Variants in NKAIN2 observed in about 807,000 individuals in gnomAD.
The protein encoded by NKAIN2 is sodium/potassium transporting ATPase interacting 2, also known as sodium/potassium-transporting ATPase subunit beta-1-interacting protein 2.
A neutral mutation model predicts 32.6 loss-of-function variants in NKAIN2; 14 were observed. The observed-to-expected ratio is 0.43, with a 90% CI of 0.28 to 0.67. The LOEUF is 0.67. NKAIN2 is among the 30% of genes least tolerant of loss of function. NKAIN2 has a pLI of 0.17. For missense variants in NKAIN2, 198 were observed against 258.3 expected (o/e 0.77, Z 1.60); for synonymous variants, 80 against 87.2 (o/e 0.92, Z 0.46).
chr6:124,771,995 T>A (rs1225879561), intron 4 of NKAIN2, among the ~76,000 whole-genome samples: 1 of 152,076 alleles, frequency 6.6e-6, no homozygotes, highest in Non-Finnish European at 1.5e-5. Flanking sequence ...ATATAATGGG[T>A]GTGAAAGTCA....
At chr6:124,521,642 A>G (rs560921317) in intron 3 of NKAIN2, among the ~76,000 whole-genome samples, 3 of 152,266 alleles carry the variant, frequency 2.0e-5, no homozygotes, top group African/African-American at 7.2e-5. Context: ...CATTTCTGCA[A>G]TATACTTTAG....
intron 1 of NKAIN2, among the ~76,000 whole-genome samples, chr6:124,036,623 T>C (rs1033696384): frequency 6.6e-6 from 1 of 152,142 alleles, no homozygotes; most frequent in African/African-American, 2.4e-5. Flanking sequence ...CGTGTGTCTA[T>C]TTTAAGTTCC....
At chr6:124,648,787 G>T (rs1411725265) in intron 3 of NKAIN2, among the ~76,000 whole-genome samples, 1 of 152,112 alleles carries the variant, frequency 6.6e-6, no homozygotes, top group Non-Finnish European at 1.5e-5. Flanking sequence ...ATGCCACAAA[G>T]AGATGATGAA....
chr6:124,606,605 T>G (rs375175296), intron 3 of NKAIN2, among the ~76,000 whole-genome samples: 2 of 152,128 alleles, frequency 1.3e-5, no homozygotes, highest in South Asian at 4.1e-4. Context: ...ATTTCACAAT[T>G]TCTAGTATTT....
chr6:124,218,466 A>T (rs1791604969), intron 1 of NKAIN2, among the ~76,000 whole-genome samples: 1 of 152,136 alleles, frequency 6.6e-6, no homozygotes, highest in African/African-American at 2.4e-5. Context: ...AGAATGAAAA[A>T]CATTTCTTGA....
At chr6:123,861,333 C>T (rs1300396253) in intron 1 of NKAIN2, among the ~76,000 whole-genome samples, 1 of 152,184 alleles carries the variant, frequency 6.6e-6, no homozygotes, top group Non-Finnish European at 1.5e-5. Flanking sequence ...TATCTGCTCA[C>T]AGTCTAATAT....
intron 4 of NKAIN2, among the ~76,000 whole-genome samples, chr6:124,692,758 G>A (rs1397068182): frequency 1.3e-5 from 2 of 151,786 alleles, no homozygotes; most frequent in Non-Finnish European, 2.9e-5. Flanking sequence ...GGAGGTTGCA[G>A]TGAGCCGAGA....
chr6:124,322,840 C>T (rs953489275), intron 2 of NKAIN2, among the ~76,000 whole-genome samples: 1 of 152,120 alleles, frequency 6.6e-6, no homozygotes, highest in Non-Finnish European at 1.5e-5. Flanking sequence ...ATTTAAGAAA[C>T]TGCCAAATTA....
chr6:123,870,203 TATAA>T (rs1395275242), intron 1 of NKAIN2, among the ~76,000 whole-genome samples: 1 of 152,064 alleles, frequency 6.6e-6, no homozygotes, highest in Non-Finnish European at 1.5e-5. Context: ...CAATAGACAA[TATAA>T]ATAAATATGG....
intron 3 of NKAIN2, among the ~76,000 whole-genome samples, chr6:124,509,994 T>A (rs1778648762): frequency 6.6e-6 from 1 of 152,182 alleles, no homozygotes; most frequent in South Asian, 2.1e-4. Context: ...CACAAAGGGA[T>A]GTTATTCTAA....
intron 1 of NKAIN2, among the ~76,000 whole-genome samples, chr6:124,127,427 A>G (rs56680921): frequency 0.011 from 1,690 of 152,292 alleles, 33 homozygotes; most frequent in African/African-American, 0.038. Flanking sequence ...AATATTAGAG[A>G]TGACAGTAGA....
chr6:124,097,274 C>A (rs532876778), intron 1 of NKAIN2, among the ~76,000 whole-genome samples: 86 of 151,992 alleles, frequency 5.7e-4, no homozygotes, highest in African/African-American at 1.8e-3. Flanking sequence ...GTGGCGGGCG[C>A]CTGTAGTCCC....
intron 2 of NKAIN2, among the ~76,000 whole-genome samples, chr6:124,351,617 C>G (rs1282530146): frequency 1.3e-5 from 2 of 149,858 alleles, no homozygotes; most frequent in East Asian, 2.0e-4. Context: ...ATTTATTTAT[C>G]TATTTATTCA....
intron 1 of NKAIN2, among the ~76,000 whole-genome samples, chr6:123,938,418 A>ATATT (rs1216497789): frequency 1.2e-4 from 5 of 40,208 alleles, no homozygotes; most frequent in African/African-American, 7.5e-4. Flanking sequence ...ATATATATAT[A>ATATT]TATATATATA....
intron 1 of NKAIN2, among the ~76,000 whole-genome samples, chr6:124,081,937 C>G (rs1474733329): frequency 6.6e-6 from 1 of 152,006 alleles, no homozygotes; most frequent in Admixed American, 6.6e-5. Flanking sequence ...TCTTGCTGAG[C>G]TTTATTAAGA....
chr6:124,277,865 T>G (rs999052215), intron 1 of NKAIN2, among the ~76,000 whole-genome samples: 5 of 151,712 alleles, frequency 3.3e-5, no homozygotes, highest in African/African-American at 1.2e-4. Context: ...TTTACAGCCT[T>G]TAATAACACA....
At chr6:123,927,251 ATCTTTT>A (rs1448032120) in intron 1 of NKAIN2, among the ~76,000 whole-genome samples, 2 of 152,160 alleles carry the variant, frequency 1.3e-5, no homozygotes, top group Non-Finnish European at 2.9e-5. Flanking sequence ...GCAAAGTAGA[ATCTTTT>A]TCTTTAAGCC....
intron 4 of NKAIN2, among the ~76,000 whole-genome samples, chr6:124,675,084 G>T (rs1372189153): frequency 6.6e-6 from 1 of 151,892 alleles, no homozygotes; most frequent in African/African-American, 2.4e-5. Flanking sequence ...GGTGAATTTT[G>T]TCAAATGCTT....
intron 3 of NKAIN2, among the ~76,000 whole-genome samples, chr6:124,556,421 C>T (rs1583433684): frequency 6.6e-6 from 1 of 152,132 alleles, no homozygotes; most frequent in East Asian, 1.9e-4. Flanking sequence ...GCTTTGACCT[C>T]GTAAATGGAT....
Sources: gnomAD v4.1 joint callset for allele counts (sites outside exome capture counted in the v4.1 genomes callset) on GRCh38, gnomAD v4.1.1 for gene constraint, MANE v1.5 for transcripts, NCBI Gene and HGNC (gene_info 2026-07-23, HGNC 2026-07-21) for gene names.